Variants in ST6GALNAC4 observed in about 807,000 individuals in gnomAD.
ST6GALNAC4 encodes alpha-N-acetyl-neuraminyl-2,3-beta-galactosyl-1,3-N-acetyl-galactosaminide alpha-2,6-sialyltransferase.
A neutral mutation model predicts 30.4 loss-of-function variants in ST6GALNAC4; 24 were observed. The observed-to-expected ratio is 0.79, with a 90% CI of 0.57 to 1.11. The LOEUF (loss-of-function observed/expected upper bound fraction) is 1.11. Among genes scored for constraint, ST6GALNAC4 ranks in the 50% most tolerant of loss-of-function variants. The pLI is 0.00. For missense variants in ST6GALNAC4, 365 were observed against 430.1 expected (o/e 0.85, Z 1.34); for synonymous variants, 156 against 179.7 (o/e 0.87, Z 1.05).
intron 3 of ST6GALNAC4, 36 bp from the exon 4 acceptor site, chr9:127,912,716 A>G (rs561398756): frequency 1.3e-6 from 2 of 1,515,082 alleles, no homozygotes; most frequent in Admixed American, 2.0e-5. Context: ...ACAGAGAGGC[A>G]TGAACACGCA....
At chr9:127,914,973 T>C (rs993481530) in intron 2 of ST6GALNAC4, 132 bp from the exon 3 acceptor site, 1 of 791,834 alleles carries the variant, frequency 1.3e-6, no homozygotes, top group African/African-American at 1.8e-5. Context: ...AGCAGCAGAA[T>C]CCAGTCTCCA....
chr9:127,916,131 C>A, intron 2 of ST6GALNAC4: 1 of 558,024 alleles, frequency 1.8e-6, no homozygotes, highest in Non-Finnish European at 3.2e-6. Context: ...AACTGAACTT[C>A]ACAACCCCAG....
At chr9:127,910,157 G>C in intron 4 of ST6GALNAC4, 99 bp from the exon 5 acceptor site, 1 of 1,505,040 alleles carries the variant, frequency 6.6e-7, no homozygotes, top group Non-Finnish European at 8.9e-7. Context: ...CCGGGGCTAT[G>C]CACCTCAACC....
rs111599575 is a variant in ST6GALNAC4 at position 127,914,287 on chromosome 9, G to A, written c.198+369C>T. Among the ~76,000 whole-genome samples, 864 of 150,842 alleles carry A rather than the reference G, an allele frequency of 5.7e-3. 7 individuals carry two copies. The highest frequency in any genetic ancestry group is 0.02 in the African/African-American group (809 of 40,998). The stretch of plus-strand genomic sequence containing the variant: ...TACATGCCTATAATCCCAGCTACTC[G>A]GGAGGGTGAGGCAGGAGAATCGCTT... On this transcript the variant is annotated intron_variant, in intron 3 of 5. Transcript: ENST00000335791.
At chr9:127,909,439 C>A (rs1488207916) in intron 5 of ST6GALNAC4, among the ~76,000 whole-genome samples, 2 of 150,150 alleles carry the variant, frequency 1.3e-5, no homozygotes, top group African/African-American at 4.9e-5. Context: ...AAAATCATAC[C>A]ATAAACATAT....
At chr9:127,914,929 G>C in intron 2 of ST6GALNAC4, 88 bp from the exon 3 acceptor site, 1 of 1,260,126 alleles carries the variant, frequency 7.9e-7, no homozygotes, top group Non-Finnish European at 1.0e-6. Flanking sequence ...CCTGGGTCTA[G>C]AGAAGCTCCT....
At chr9:127,908,668 AGGCCCATG>A (rs1830995538) in intron 5 of ST6GALNAC4, 87 bp from the exon 6 acceptor site, 1 of 1,308,356 alleles carries the variant, frequency 7.6e-7, no homozygotes, top group South Asian at 1.8e-5. Flanking sequence ...ACCCCTCGCC[AGGCCCATG>A]GGCTCGTGAA....
Position 127,917,002 on chromosome 9 carries a change from G to T in ST6GALNAC4, c.-252C>A. The T allele has an allele frequency of 6.5e-6, 1 of 154,304 alleles. No individual in the cohort carries two copies. The highest frequency in any genetic ancestry group is 1.8e-4 in the South Asian group (1 of 5,652). 9.6% of individuals were successfully genotyped at this position (154,304 alleles called of 1,614,324 possible). A position where few individuals can be genotyped will look rare whatever the true frequency, so the allele number is the denominator to read the frequency against. On this transcript the variant is annotated 5_prime_UTR_variant, in exon 1 of 6. Transcript: ENST00000335791. The stretch of plus-strand genomic sequence containing the variant: ...AGCTCCATGGCCCCCGGGCCGGGCC[G>T]ACTGGGCTGGAAGCTGATCCGCGCG...
rs1416424399 is a variant in ST6GALNAC4 at position 127,913,616 on chromosome 9, AAAAAAG to A, written c.199-942_199-937del. 5.3e-5 allele frequency among the ~76,000 whole-genome samples: 8 copies of A among 150,424 alleles called. No individual in the cohort carries two copies. In the South Asian group the frequency reaches 8.4e-4, roughly 16 times the overall value. ...TAAACAAATAAAAATATAAATACAA[AAAAAAG>A]AAAAAGAAAAAGAAAACAACATCTG... On this transcript the variant is annotated intron_variant, in intron 3 of 5. Transcript: ENST00000335791.
chr9:127,914,975 C>T, intron 2 of ST6GALNAC4, 134 bp from the exon 3 acceptor site: 1 of 779,714 alleles, frequency 1.3e-6, no homozygotes, highest in Non-Finnish European at 1.9e-6. Context: ...CAGCAGAATC[C>T]AGTCTCCATC....
intron 2 of ST6GALNAC4, 183 bp downstream of exon 2, chr9:127,916,225 G>A: frequency 2.7e-6 from 2 of 738,380 alleles, no homozygotes; most frequent in East Asian, 2.5e-5. Context: ...CAGAGTGGAT[G>A]CCACCTGCCT....
intron 5 of ST6GALNAC4, among the ~76,000 whole-genome samples, chr9:127,909,217 G>A (rs1370998443): frequency 3.9e-5 from 6 of 151,940 alleles, no homozygotes; most frequent in African/African-American, 9.7e-5. Flanking sequence ...ATGAAACCCC[G>A]TCTCTACTAA....
chr9:127,912,595 T>C lies in ST6GALNAC4; in HGVS notation c.284A>G (p.Asp95Gly). The C allele has an allele frequency of 6.2e-7, 1 of 1,610,012 alleles. No homozygotes were observed. Among genetic ancestry groups the C allele is most frequent in the Non-Finnish European group, 8.5e-7 (1 of 1,179,790 alleles). The change falls in exon 4 of 6, where the codon GAC (aspartate) becomes GGC (glycine). Residue 95 changes from aspartate (D) to glycine (G), a missense_variant. Asp to Gly is a moderately conservative substitution (Grantham distance 94). Coordinates refer to ENST00000335791, the MANE Select transcript of ST6GALNAC4 (RefSeq NM_175039.4). ...MLGSGLGAEI[D>G]SAECVFRMNQ... ...CATGCGGAACACGCACTCGGCACTG[T>C]CGATCTCAGCACCCAGGCCTGAGCC...
At position 127,910,304 on chromosome 9, in the gene ST6GALNAC4, G is replaced by A. The variant is rs891102217; in HGVS notation, c.612-246C>T. ...CCCAGCGGGGCTCGGGCCCAGCTAC[G>A]CTTTGCAGGGTTTGAGCAAACCCCT... On this transcript the variant is annotated intron_variant, in intron 4 of 5. Transcript: ENST00000335791. The A allele has an allele frequency of 3.6e-5, 46 of 1,280,452 alleles. 1 individual carries two copies. Among genetic ancestry groups the A allele is most frequent in the Middle Eastern group, 3.2e-4 (1 of 3,116 alleles). 79.3% of individuals were successfully genotyped at this position (1,280,452 alleles called of 1,614,324 possible).
intron 2 of ST6GALNAC4, 57 bp downstream of exon 2, chr9:127,916,351 C>T: frequency 1.9e-6 from 3 of 1,612,840 alleles, no homozygotes; most frequent in South Asian, 2.2e-5. Context: ...GGCTGCTGAG[C>T]TGCTCCGCCA....
chr9:127,913,634 G>C (rs2131623303), intron 3 of ST6GALNAC4, among the ~76,000 whole-genome samples: 1 of 148,834 alleles, frequency 6.7e-6, no homozygotes, highest in South Asian at 2.1e-4. Flanking sequence ...AAAAGAAAAA[G>C]AAAACAACAT....
intron 4 of ST6GALNAC4, among the ~76,000 whole-genome samples, chr9:127,911,596 C>A (rs1831075234): frequency 6.6e-6 from 1 of 152,220 alleles, no homozygotes; most frequent in Non-Finnish European, 1.5e-5. Context: ...GATTCTCCTG[C>A]CTCAGCTACT....
At chr9:127,909,253 G>A (rs1831013274) in intron 5 of ST6GALNAC4, among the ~76,000 whole-genome samples, 1 of 152,016 alleles carries the variant, frequency 6.6e-6, no homozygotes, top group Admixed American at 6.6e-5. Context: ...GCTGGGCGTG[G>A]TGGCACGTGC....
rs977473288 is a variant in ST6GALNAC4 at position 127,912,121 on chromosome 9, G to A, written c.611+147C>T. On this transcript the variant is annotated intron_variant, in intron 4 of 5. Coordinates refer to ENST00000335791, the MANE Select transcript of ST6GALNAC4 (RefSeq NM_175039.4). Reference sequence around the variant, plus strand: ...CTGAGTGACATCCCCTCTGCCTCCTGCCCCCCATTAGAGGGCAGGACCATG... The same window carrying A: ...CTGAGTGACATCCCCTCTGCCTCCTACCCCCCATTAGAGGGCAGGACCATG... 2.6e-5 allele frequency: 26 copies of A among 997,410 alleles called. No individual in the cohort carries two copies. The Admixed American group carries it at 4.0e-4, about 16-fold the overall frequency. The allele number at this position is 997,410 out of a possible 1,614,324, so 61.8% of individuals were successfully genotyped here.
Sources: gnomAD v4.1 joint callset for allele counts (sites outside exome capture counted in the v4.1 genomes callset) on GRCh38, gnomAD v4.1.1 for gene constraint, MANE v1.5 for transcripts, NCBI Gene and HGNC (gene_info 2026-07-23, HGNC 2026-07-21) for gene names.